DNER: variants seen among roughly 807,000 people sequenced by gnomAD.
The protein encoded by DNER is delta/notch like EGF repeat containing.
DNER carries 33 observed loss-of-function variants against 78.2 expected under a neutral mutation model. That is an observed-to-expected ratio of 0.42 (90% CI 0.32 to 0.56). DNER has a LOEUF of 0.56. Among genes scored for constraint, DNER ranks in the 20% least tolerant of loss-of-function variants. DNER has a pLI of 0.11. For synonymous variants in DNER, 417 were observed against 384.8 expected (o/e 1.08, Z -0.98); for missense variants, 918 against 975.3 (o/e 0.94, Z 0.78).
chr2:229,407,781 G>A (rs1693419908), intron 9 of DNER, among the ~76,000 whole-genome samples: 1 of 152,206 alleles, frequency 6.6e-6, no homozygotes, highest in Non-Finnish European at 1.5e-5. Context: ...GTTCTACTTT[G>A]AAGAACTGCA....
At chr2:229,650,136 A>T (rs1401404919) in intron 1 of DNER, among the ~76,000 whole-genome samples, 1 of 151,948 alleles carries the variant, frequency 6.6e-6, no homozygotes, top group Non-Finnish European at 1.5e-5. Context: ...GGTGTAACTT[A>T]CATCCCATGA....
At chr2:229,467,172 GA>G (rs1490939296) in intron 7 of DNER, among the ~76,000 whole-genome samples, 1 of 152,160 alleles carries the variant, frequency 6.6e-6, no homozygotes, top group Non-Finnish European at 1.5e-5. Context: ...AGTAGAAAGT[GA>G]GGAAGGGACT....
At chr2:229,396,969 A>G (rs1352100315) in intron 10 of DNER, among the ~76,000 whole-genome samples, 1 of 152,166 alleles carries the variant, frequency 6.6e-6, no homozygotes, top group East Asian at 1.9e-4. Flanking sequence ...GGTAGGTATT[A>G]TTACCTTCCT....
intron 7 of DNER, among the ~76,000 whole-genome samples, chr2:229,459,366 A>C (rs375343568): frequency 6.6e-5 from 10 of 152,272 alleles, no homozygotes; most frequent in Non-Finnish European, 1.3e-4. Flanking sequence ...AGCTGTATGC[A>C]TCCAGTAGTT....
intron 1 of DNER, among the ~76,000 whole-genome samples, chr2:229,624,644 C>A (rs1437985675): frequency 6.6e-6 from 1 of 152,188 alleles, no homozygotes; most frequent in Non-Finnish European, 1.5e-5. Flanking sequence ...GTAGCGTGTC[C>A]TGATTTCAAC....
Position 229,714,394 on chromosome 2 carries a change from A to G in DNER, c.30T>C (p.Gly10=), listed in dbSNP as rs922049577. 5 of 1,188,040 alleles carry G rather than the reference A, an allele frequency of 4.2e-6. No individual in the cohort carries two copies. In the African/African-American group the frequency reaches 8.0e-5, roughly 19 times the overall value. The allele number at this position is 1,188,040 out of a possible 1,614,324, so 73.6% of individuals were successfully genotyped here. A position where few individuals can be genotyped will look rare whatever the true frequency, so the allele number is the denominator to read the frequency against. ...GGGCCAGCGCGGGCAGCAGCTGCGC[A>G]CCGGGCGCCTGGGCGCGGCGGGGCT... MQPRRAQAP[G]AQLLPALALL... The change falls in exon 1 of 13, where the codon GGT becomes GGC. Residue 10 remains glycine, a synonymous_variant. Transcript: ENST00000341772.
intron 4 of DNER, among the ~76,000 whole-genome samples, chr2:229,558,744 G>A (rs1180283377): frequency 2.0e-5 from 3 of 152,116 alleles, no homozygotes; most frequent in Admixed American, 2.0e-4. Context: ...GCAGATGTTT[G>A]CCGAGGTCAA....
chr2:229,653,065 C>G (rs541636973), intron 1 of DNER, among the ~76,000 whole-genome samples: 1 of 152,318 alleles, frequency 6.6e-6, no homozygotes, highest in East Asian at 1.9e-4. Context: ...TCAGTGGGCA[C>G]AGCAGTGAGT....
intron 12 of DNER, among the ~76,000 whole-genome samples, chr2:229,366,521 G>C (rs1468601675): frequency 6.6e-6 from 1 of 152,092 alleles, no homozygotes; most frequent in Non-Finnish European, 1.5e-5. Flanking sequence ...TTTATATGTT[G>C]ACTGTTTGAA....
At chr2:229,642,182 G>T (rs72993245) in intron 1 of DNER, among the ~76,000 whole-genome samples, 367 of 152,206 alleles carry the variant, frequency 2.4e-3, no homozygotes, top group Middle Eastern at 6.8e-3. Context: ...TGGGAATAAG[G>T]TTTCATTCAA....
intron 12 of DNER, among the ~76,000 whole-genome samples, chr2:229,364,662 C>T (rs942795069): frequency 6.6e-6 from 1 of 152,118 alleles, no homozygotes; most frequent in South Asian, 2.1e-4. Flanking sequence ...GTTCTCCCTC[C>T]CACTGGCTCC....
chr2:229,651,958 T>C (rs1308861829), intron 1 of DNER, among the ~76,000 whole-genome samples: 1 of 151,956 alleles, frequency 6.6e-6, no homozygotes, highest in African/African-American at 2.4e-5. Context: ...AGAAAGTCAG[T>C]GGGGAACATA....
At chr2:229,705,972 G>A (rs1018638708) in intron 1 of DNER, among the ~76,000 whole-genome samples, 1 of 152,072 alleles carries the variant, frequency 6.6e-6, no homozygotes, top group Non-Finnish European at 1.5e-5. Flanking sequence ...GCCAAGGGCT[G>A]ATATAAAAGA....
intron 1 of DNER, among the ~76,000 whole-genome samples, chr2:229,626,973 T>C (rs116627739): frequency 0.011 from 1,679 of 152,318 alleles, 32 homozygotes; most frequent in African/African-American, 0.038. Context: ...TCAATCACGT[T>C]GGAAAACTGA....
intron 6 of DNER, among the ~76,000 whole-genome samples, chr2:229,508,515 T>C (rs1695789698): frequency 6.6e-6 from 1 of 152,220 alleles, no homozygotes; most frequent in African/African-American, 2.4e-5. Context: ...TCATGCATGA[T>C]ACCATTTTTA....
chr2:229,603,967 A>G (rs1697883295), intron 1 of DNER, among the ~76,000 whole-genome samples: 2 of 152,172 alleles, frequency 1.3e-5, no homozygotes, highest in Non-Finnish European at 2.9e-5. Context: ...AGAATGGCAC[A>G]CAGATTCCAG....
At chr2:229,378,100 G>A (rs1692649015) in intron 11 of DNER, among the ~76,000 whole-genome samples, 1 of 152,148 alleles carries the variant, frequency 6.6e-6, no homozygotes, top group Admixed American at 6.5e-5. Flanking sequence ...GGCACCACGA[G>A]CCAAGAAATG....
At chr2:229,677,029 C>T (rs1044832471) in intron 1 of DNER, among the ~76,000 whole-genome samples, 4 of 152,238 alleles carry the variant, frequency 2.6e-5, no homozygotes, top group African/African-American at 9.6e-5. Flanking sequence ...TCTTCCCACT[C>T]TGCTTCTTCC....
chr2:229,657,926 A>T (rs6436885), intron 1 of DNER, among the ~76,000 whole-genome samples: 12,779 of 147,808 alleles, frequency 0.086, 739 homozygotes, highest in African/African-American at 0.17. Flanking sequence ...TCATTAATTT[A>T]AAAAAAAAAC....
Sources: allele counts gnomAD v4.1 joint callset (sites outside exome capture counted in the v4.1 genomes callset), GRCh38; gene constraint gnomAD v4.1.1; transcripts MANE v1.5; gene names NCBI Gene and HGNC (gene_info 2026-07-23, HGNC 2026-07-21).